The following RFTN1 variants were observed in gnomAD, a reference collection of about 807,000 sequenced individuals.
RFTN1 encodes raftlin, lipid raft linker 1.
RFTN1 carries 26 observed loss-of-function variants against 46.5 expected under a neutral mutation model. The observed-to-expected ratio is 0.56, with a 90% CI of 0.41 to 0.78. RFTN1 has a LOEUF of 0.78. Among genes scored for constraint, RFTN1 ranks in the 30% least tolerant of loss-of-function variants. The pLI is 0.00. For synonymous variants in RFTN1, 261 were observed against 284.2 expected (o/e 0.92, Z 0.82); for missense variants, 693 against 718.7 (o/e 0.96, Z 0.41).
In RFTN1 at chr3:16,501,100, G is replaced by T. The variant is rs999473926; in HGVS notation, c.-8-7223C>A. ...TGCAGTGAACTCTGATCGCACCACC[G>T]CACTGCAGGCTGAGTGACAGAGCAA... On this transcript the variant is annotated intron_variant, in intron 1 of 9. Coordinates refer to ENST00000334133, the MANE Select transcript of RFTN1 (RefSeq NM_015150.2). Among the ~76,000 whole-genome samples the T allele has an allele frequency of 2.0e-5, 3 of 152,108 alleles. No individual in the cohort carries two copies. In the East Asian group the frequency reaches 5.8e-4, roughly 29 times the overall value.
At chr3:16,396,977 C>T (rs549218962) in intron 4 of RFTN1, among the ~76,000 whole-genome samples, 40 of 149,840 alleles carry the variant, frequency 2.7e-4, no homozygotes, top group African/African-American at 8.8e-4. Flanking sequence ...GCAGGAGAAT[C>T]GCTTGAACCT....
At chr3:16,437,262 G>A (rs558355823) in intron 2 of RFTN1, among the ~76,000 whole-genome samples, 1 of 152,172 alleles carries the variant, frequency 6.6e-6, no homozygotes, top group Non-Finnish European at 1.5e-5. Flanking sequence ...CGTGGTGGGA[G>A]TGAACCTTTC....
chr3:16,363,823 G>T (rs950056598), intron 6 of RFTN1, among the ~76,000 whole-genome samples: 2 of 151,028 alleles, frequency 1.3e-5, no homozygotes, highest in Non-Finnish European at 2.9e-5. Flanking sequence ...ATCAGAGGTC[G>T]CACAGCACCA....
At chr3:16,326,963 G>T (rs1411769449) in intron 7 of RFTN1, 87 bp from the exon 8 acceptor site, 3 of 972,292 alleles carry the variant, frequency 3.1e-6, no homozygotes, top group Non-Finnish European at 4.7e-6. Flanking sequence ...CTGCCAATCC[G>T]CAAAACAGAA....
rs1693751661 is a variant in RFTN1 at position 16,513,355 on chromosome 3, C to G, written c.-9+87G>C. 1 of 152,560 alleles carries G rather than the reference C, an allele frequency of 6.6e-6. No homozygotes were observed. The highest frequency in any genetic ancestry group is 2.4e-5 in the African/African-American group (1 of 41,476). 9.5% of individuals were successfully genotyped at this position (152,560 alleles called of 1,614,324 possible). On this transcript the variant is annotated intron_variant, in intron 1 of 9. Coordinates refer to ENST00000334133, the MANE Select transcript of RFTN1 (RefSeq NM_015150.2). This position sits in a 1 kb window ranked among gnomAD's most constrained non-coding sequence, Gnocchi z 5.4. ...AGGCGCCACGCGCGGTTCCCACTACCCGCCAGAGACCCGGTCCATGGGGCC... is the reference window on the plus strand; with the variant it reads ...AGGCGCCACGCGCGGTTCCCACTACGCGCCAGAGACCCGGTCCATGGGGCC...
Position 16,327,834 on chromosome 3 carries a change from T to C in RFTN1, c.1147-958A>G, listed in dbSNP as rs2069882387. Among the ~76,000 whole-genome samples the C allele has an allele frequency of 6.6e-6, 1 of 152,006 alleles. No homozygotes were observed. The highest frequency in any genetic ancestry group is 2.1e-4 in the South Asian group (1 of 4,822). ...GGAGAGAGCCCTGATGTGAGGCCCC[T>C]GCACTGGCTTCCACCTCTGCAGGCG... On this transcript the variant is annotated intron_variant, in intron 7 of 9. Transcript: ENST00000334133. This position sits in a 1 kb window ranked among gnomAD's most constrained non-coding sequence, Gnocchi z 4.2.
intron 1 of RFTN1, among the ~76,000 whole-genome samples, chr3:16,511,303 A>G (rs551644631): frequency 6.6e-6 from 1 of 152,354 alleles, no homozygotes; most frequent in East Asian, 1.9e-4. Flanking sequence ...GGAAACCATA[A>G]GCACATATTG....
intron 1 of RFTN1, among the ~76,000 whole-genome samples, chr3:16,511,735 C>G (rs1559384233): frequency 6.6e-6 from 1 of 151,946 alleles, no homozygotes; most frequent in Non-Finnish European, 1.5e-5. Flanking sequence ...TGTTTCCCTA[C>G]AGACAAAGCA....
Position 16,374,770 on chromosome 3 carries a change from C to T in RFTN1, c.826+2948G>A, listed in dbSNP as rs187276259. On this transcript the variant is annotated intron_variant, in intron 5 of 9. Coordinates refer to ENST00000334133, the MANE Select transcript of RFTN1 (RefSeq NM_015150.2). The surrounding 1 kb of genome is among the most constrained non-coding windows in gnomAD (Gnocchi z 5.4). ...GTCCCTGCACAGGCTCAGGTGATCA[C>T]GGCACAGCACGGACCTCCAACCAAA... 1.5e-4 allele frequency among the ~76,000 whole-genome samples: 23 copies of T among 152,264 alleles called. No individual in the cohort carries two copies. Among genetic ancestry groups the T allele is most frequent in the African/African-American group, 4.8e-4 (20 of 41,548 alleles).
chr3:16,415,435 A>C lies in RFTN1; in HGVS notation c.333-5952T>G, dbSNP rs956364681. On this transcript the variant is annotated intron_variant, in intron 3 of 9. Transcript: ENST00000334133. ...TATATATATATATATATATATACAC[A>C]CACACACACACATATATACTTGAAT... Among the ~76,000 whole-genome samples, 72 of 145,126 alleles carry C rather than the reference A, an allele frequency of 5.0e-4. 1 individual carries two copies. Among genetic ancestry groups the C allele is most frequent in the African/African-American group, 1.7e-3 (70 of 40,728 alleles).
intron 9 of RFTN1, among the ~76,000 whole-genome samples, chr3:16,323,110 A>G (rs567541): frequency 0.58 from 88,671 of 151,964 alleles, 26,113 homozygotes; most frequent in African/African-American, 0.67. Context: ...GGGAATATCT[A>G]GCAGGCTGAA....
chr3:16,370,163 C>G lies in RFTN1; in HGVS notation c.943G>C (p.Asp315His), dbSNP rs1393312417. Reference sequence around the variant, plus strand: ...CTCATGTGCTCTAACCAGTTGGCGTCCAAACCGCTCACTGTCTGGCCATTC... The same window carrying G: ...CTCATGTGCTCTAACCAGTTGGCGTGCAAACCGCTCACTGTCTGGCCATTC... Reference protein sequence around the residue: ...SKNGQTVSGLDANWLEHMSDH... With the variant: ...SKNGQTVSGLHANWLEHMSDH... The change falls in exon 6 of 10, where the codon GAC becomes CAC. Residue 315 changes from aspartate to histidine, a missense_variant. Asp to His is a moderately conservative substitution (Grantham distance 81). Transcript: ENST00000334133. The surrounding 1 kb of genome is among the most constrained non-coding windows in gnomAD (Gnocchi z 5.5). 6.2e-7 allele frequency: 1 copy of G among 1,614,220 alleles called. No homozygotes were observed. Among genetic ancestry groups the G allele is most frequent in the Non-Finnish European group, 8.5e-7 (1 of 1,180,034 alleles).
chr3:16,410,286 C>T lies in RFTN1; in HGVS notation c.333-803G>A, dbSNP rs1202857085. Among the ~76,000 whole-genome samples the T allele has an allele frequency of 6.6e-6, 1 of 151,224 alleles. No individual in the cohort carries two copies. Among genetic ancestry groups the T allele is most frequent in the African/African-American group, 2.4e-5 (1 of 41,038 alleles). The stretch of plus-strand genomic sequence containing the variant: ...ACTCTCACTCCAGTAATGTCTATGT[C>T]CCATTGGTTTATATCCGCCAGGGCA... On this transcript the variant is annotated intron_variant, in intron 3 of 9. Coordinates refer to ENST00000334133, the MANE Select transcript of RFTN1 (RefSeq NM_015150.2). The surrounding 1 kb of genome is among the most constrained non-coding windows in gnomAD (Gnocchi z 4.6).
intron 7 of RFTN1, among the ~76,000 whole-genome samples, chr3:16,328,819 G>A (rs564283981): frequency 1.3e-5 from 2 of 152,336 alleles, no homozygotes; most frequent in African/African-American, 4.8e-5. Context: ...CCTGGCAAAA[G>A]AAAAGTCTGT....
Position 16,440,643 on chromosome 3 carries a change from C to T in RFTN1, c.146-6606G>A, listed in dbSNP as rs1339694981. Among the ~76,000 whole-genome samples, 3 of 152,048 alleles carry T rather than the reference C, an allele frequency of 2.0e-5. No individual in the cohort carries two copies. The highest frequency in any genetic ancestry group is 7.3e-5 in the African/African-American group (3 of 41,346). On this transcript the variant is annotated intron_variant, in intron 2 of 9. Coordinates refer to ENST00000334133, the MANE Select transcript of RFTN1 (RefSeq NM_015150.2). The surrounding 1 kb of genome is among the most constrained non-coding windows in gnomAD (Gnocchi z 4.6). ...TGAGCCAGGGGGACAGCAATGAACA[C>T]CGAGGCCCCATCTTGCCCAAGGGGA...
rs1224689232 is a variant in RFTN1, at chr3:16,387,570, T to TTCTTTCTCTCTC, written c.442-9469_442-9468insGAGAGAGAAAGA. ...CACTTCTCTCTTCTATATCCTCAATTTCTCTCTCTCTCTCTCTCTCTCTCT... is the reference window on the plus strand; with the variant it reads ...CACTTCTCTCTTCTATATCCTCAATTTCTTTCTCTCTCTCTCTCTCTCTCTCTCTCTCTCTCT... On this transcript the variant is annotated intron_variant, in intron 4 of 9. Transcript: ENST00000334133. The surrounding 1 kb of genome is among the most constrained non-coding windows in gnomAD (Gnocchi z 5.2). 7.1e-4 allele frequency among the ~76,000 whole-genome samples: 83 copies of TTCTTTCTCTCTC among 116,502 alleles called. No homozygotes were observed. Among genetic ancestry groups the TTCTTTCTCTCTC allele is most frequent in the African/African-American group, 3.0e-3 (78 of 25,616 alleles). The allele number at this position is 116,502 out of a possible 152,430, so 76.4% of individuals were successfully genotyped here.
At chr3:16,389,110 A>C (rs950536965) in intron 4 of RFTN1, among the ~76,000 whole-genome samples, 5 of 152,188 alleles carry the variant, frequency 3.3e-5, no homozygotes, top group Non-Finnish European at 7.3e-5. Flanking sequence ...TCCCCCCACC[A>C]TCCTCTGATT....
In RFTN1 at chr3:16,418,726, TGAAA is replaced by T. The variant is rs1420069279; in HGVS notation, c.333-9247_333-9244del. Among the ~76,000 whole-genome samples the T allele has an allele frequency of 6.6e-6, 1 of 152,030 alleles. No homozygotes were observed. Among genetic ancestry groups the T allele is most frequent in the Non-Finnish European group, 1.5e-5 (1 of 67,994 alleles). On this transcript the variant is annotated intron_variant, in intron 3 of 9. Coordinates refer to ENST00000334133, the MANE Select transcript of RFTN1 (RefSeq NM_015150.2). This position sits in a 1 kb window ranked among gnomAD's most constrained non-coding sequence, Gnocchi z 5.0. The stretch of plus-strand genomic sequence containing the variant: ...TAGGGAGAGAAATGAGCTAGAGATC[TGAAA>T]GAGATTTGTCAATGAAAGAAAAAGA...
rs1186836563 is a variant in RFTN1 at position 16,342,094 on chromosome 3, G to A, written c.1147-15218C>T. On this transcript the variant is annotated intron_variant, in intron 7 of 9. Transcript: ENST00000334133. This position sits in a 1 kb window ranked among gnomAD's most constrained non-coding sequence, Gnocchi z 4.0. ...ACCTATTTAAAGCAAACAATTCAGT[G>A]GTTTATAATATATTCAGAGTTATAC... Among the ~76,000 whole-genome samples the A allele has an allele frequency of 6.6e-6, 1 of 152,048 alleles. No homozygotes were observed.
Sources: gnomAD v4.1 joint callset for allele counts (sites outside exome capture counted in the v4.1 genomes callset) on GRCh38, gnomAD v4.1.1 for gene constraint, Gnocchi (gnomAD v3.1) non-coding constraint, MANE v1.5 for transcripts, NCBI Gene and HGNC (gene_info 2026-07-23, HGNC 2026-07-21) for gene names.